Variants in PCYT1A observed in about 807,000 individuals in gnomAD.
PCYT1A encodes phosphate cytidylyltransferase 1A, choline, also known as choline-phosphate cytidylyltransferase A.
A neutral mutation model predicts 43.7 loss-of-function variants in PCYT1A; 25 were observed. That is an observed-to-expected ratio of 0.57 (90% CI 0.42 to 0.80). The LOEUF is 0.80. Ranked by LOEUF, PCYT1A falls within the 30% of genes least tolerant of loss-of-function variation. PCYT1A has a pLI of 0.00. For missense variants in PCYT1A, 421 were observed against 474.2 expected (o/e 0.89, Z 1.04); for synonymous variants, 172 against 170.7 (o/e 1.01, Z -0.06).
At chr3:196,269,614 T>C (rs781248530) in intron 2 of PCYT1A, among the ~76,000 whole-genome samples, 16 of 152,046 alleles carry the variant, frequency 1.1e-4, no homozygotes, top group Non-Finnish European at 1.8e-4. Context: ...ATAGGCAGTG[T>C]GGAATGGGGT....
At chr3:196,285,042 C>T (rs1725868688) in intron 1 of PCYT1A, among the ~76,000 whole-genome samples, 1 of 152,162 alleles carries the variant, frequency 6.6e-6, no homozygotes, top group Admixed American at 6.5e-5. Flanking sequence ...AACTCTATTC[C>T]CCTATTACAG....
At chr3:196,286,956 T>G (rs189384076) in intron 1 of PCYT1A, among the ~76,000 whole-genome samples, 20 of 152,294 alleles carry the variant, frequency 1.3e-4, no homozygotes, top group Non-Finnish European at 2.5e-4. Flanking sequence ...TCCACTAAAT[T>G]GGTTTCACAG....
rs114410269 is a variant in PCYT1A at position 196,263,102 on chromosome 3, C to T, written c.118-5215G>A. On this transcript the variant is annotated intron_variant, in intron 2 of 8. Coordinates refer to ENST00000431016, the MANE Select transcript of PCYT1A (RefSeq NM_001312673.2). ...GCCACCGCATCCAACTCTAAGGATT[C>T]TTAAATATTTTTCAGCAAAAAGTTT... Among the ~76,000 whole-genome samples, 1,466 of 152,228 alleles carry T rather than the reference C, an allele frequency of 9.6e-3. 22 individuals are homozygous for T. Among genetic ancestry groups the T allele is most frequent in the African/African-American group, 0.034 (1,408 of 41,548 alleles).
chr3:196,276,065 CCA>C (rs1404021479), intron 1 of PCYT1A, among the ~76,000 whole-genome samples: 1 of 151,040 alleles, frequency 6.6e-6, no homozygotes, highest in Non-Finnish European at 1.5e-5. Context: ...CCACTGCACT[CCA>C]GTCTGGGCGC....
rs1392843263 is a variant in PCYT1A at position 196,241,325 on chromosome 3, T to C, written c.708+623A>G. 8.5e-5 allele frequency: 13 copies of C among 153,192 alleles called. No individual in the cohort carries two copies. The Admixed American group carries it at 8.6e-4, about 10-fold the overall frequency. 9.5% of individuals were successfully genotyped at this position (153,192 alleles called of 1,614,324 possible). A position where few individuals can be genotyped will look rare whatever the true frequency, so the allele number is the denominator to read the frequency against. ...AAGAAAGAAACACTACATATATATA[T>C]ATTTGCATGAATTTTTTTAGTTTTT... On this transcript the variant is annotated intron_variant, in intron 7 of 8. Transcript: ENST00000431016.
Position 196,236,311 on chromosome 3 carries a change from G to C in PCYT1A, c.*2377C>G, listed in dbSNP as rs906803843. ...AACCAAGCAGATGGGCTTCAGCACA[G>C]ACTTCACTGCCACACCACACCAGGG... On this transcript the variant is annotated 3_prime_UTR_variant, in exon 9 of 9. Coordinates refer to ENST00000431016, the MANE Select transcript of PCYT1A (RefSeq NM_001312673.2). 6.6e-6 allele frequency: 1 copy of C among 152,262 alleles called. No homozygotes were observed. The highest frequency in any genetic ancestry group is 1.5e-5 in the Non-Finnish European group (1 of 68,072). The allele number at this position is 152,262 out of a possible 1,614,324, so 9.4% of individuals were successfully genotyped here.
chr3:196,238,809 C>A lies in PCYT1A; in HGVS notation c.983G>T (p.Arg328Leu). 1 of 1,577,118 alleles carries A rather than the reference C, an allele frequency of 6.3e-7. No homozygotes were observed. The highest frequency in any genetic ancestry group is 8.6e-7 in the Non-Finnish European group (1 of 1,162,742). The part of the protein sequence containing the change: ...QSPSSSPTRE[R>L]SPSPSFRWPF... ...CCATCGGAAAGAGGGGGAGGGGGAG[C>A]GCTCGCGAGTAGGGCTGCTGCTGGG... is the stretch of plus-strand genomic sequence containing the variant. Residue 328 changes from arginine (R) to leucine (L), a missense_variant, in exon 9 of 9, where the codon CGC becomes CTC. This residue lies in a region of PCYT1A where 108 missense variants were observed against 85.7 expected (regional missense o/e 1.26). Transcript: ENST00000431016.
At chr3:196,244,961 C>T (rs975704731) in intron 5 of PCYT1A, among the ~76,000 whole-genome samples, 2 of 152,076 alleles carry the variant, frequency 1.3e-5, no homozygotes, top group East Asian at 1.9e-4. Context: ...TGCAGAAGGC[C>T]GCAGGGCCCT....
In PCYT1A at chr3:196,237,395, C is replaced by T. The variant is rs1328614443; in HGVS notation, c.*1293G>A. On this transcript the variant is annotated 3_prime_UTR_variant, in exon 9 of 9. Transcript: ENST00000431016. Reference sequence around the variant, plus strand: ...AATCCCCCCGGGCAAGCCAACAAGGCAGATGGAACCACAACCACCAGGCGT... The same window carrying T: ...AATCCCCCCGGGCAAGCCAACAAGGTAGATGGAACCACAACCACCAGGCGT... The T allele has an allele frequency of 1.3e-5, 2 of 152,282 alleles. No homozygotes were observed. Among genetic ancestry groups the T allele is most frequent in the East Asian group, 3.9e-4 (2 of 5,192 alleles). 9.4% of individuals were successfully genotyped at this position (152,282 alleles called of 1,614,324 possible).
chr3:196,285,003 C>T (rs148413172), intron 1 of PCYT1A, among the ~76,000 whole-genome samples: 2 of 152,344 alleles, frequency 1.3e-5, no homozygotes, highest in African/African-American at 2.4e-5. Flanking sequence ...CCACCATTCT[C>T]AACTCATTCC....
intron 5 of PCYT1A, among the ~76,000 whole-genome samples, chr3:196,246,192 C>T (rs1270886691): frequency 6.6e-6 from 1 of 152,064 alleles, no homozygotes; most frequent in Non-Finnish European, 1.5e-5. Context: ...AATAAATATC[C>T]CCTCTTCAGG....
chr3:196,266,344 G>A (rs1725274086), intron 2 of PCYT1A, among the ~76,000 whole-genome samples: 1 of 150,880 alleles, frequency 6.6e-6, no homozygotes. Flanking sequence ...TTGGTGGCGG[G>A]CGCCTGTAGT....
At chr3:196,286,810 A>C (rs1560181884) in intron 1 of PCYT1A, among the ~76,000 whole-genome samples, 1 of 152,252 alleles carries the variant, frequency 6.6e-6, no homozygotes. Context: ...GCTACTAGGG[A>C]GGCTGAGACA....
intron 2 of PCYT1A, among the ~76,000 whole-genome samples, chr3:196,258,592 A>AT (rs113525117): frequency 2.7e-3 from 386 of 144,722 alleles, no homozygotes; most frequent in African/African-American, 5.1e-3. Context: ...TCCAATCTGG[A>AT]TTTTTTTTTT....
At position 196,235,607 on chromosome 3, in the gene PCYT1A, G is replaced by T. The variant is rs1724138283; in HGVS notation, c.*3081C>A. ...AAGCTTTCCGTCCGGCCCACCGGAA[G>T]GCAGTGGCTGCGCCGGCACCTCCCC... On this transcript the variant is annotated 3_prime_UTR_variant, in exon 9 of 9. Transcript: ENST00000431016. The surrounding 1 kb of genome is among the most constrained non-coding windows in gnomAD (Gnocchi z 4.3). 6.6e-6 allele frequency: 1 copy of T among 152,336 alleles called. No individual in the cohort carries two copies. The allele number at this position is 152,336 out of a possible 1,614,324, so 9.4% of individuals were successfully genotyped here.
At chr3:196,244,374 C>T (rs1438225342) in intron 5 of PCYT1A, among the ~76,000 whole-genome samples, 43 of 150,496 alleles carry the variant, frequency 2.9e-4, no homozygotes, top group African/African-American at 1.0e-3. Flanking sequence ...CGTCTCTGCC[C>T]GGCCGCCCAT....
rs183192000 is a variant in PCYT1A at position 196,272,277 on chromosome 3, C to A, written c.-10-1736G>T. ...TCGGCTCACTACAACCTCCGCCTCC[C>A]AGGTTCAAGCGATTCTCCTGCCTCA... On this transcript the variant is annotated intron_variant, in intron 1 of 8. Coordinates refer to ENST00000431016, the MANE Select transcript of PCYT1A (RefSeq NM_001312673.2). 1.4e-4 allele frequency among the ~76,000 whole-genome samples: 22 copies of A among 152,202 alleles called. No homozygotes were observed. In the East Asian group the frequency reaches 4.2e-3, roughly 29 times the overall value.
At chr3:196,265,844 T>C (rs1228344320) in intron 2 of PCYT1A, among the ~76,000 whole-genome samples, 1 of 152,162 alleles carries the variant, frequency 6.6e-6, no homozygotes, top group African/African-American at 2.4e-5. Flanking sequence ...GTTCACGCCA[T>C]TCTCCTGCTT....
chr3:196,256,007 C>G (rs1724939576), intron 3 of PCYT1A, among the ~76,000 whole-genome samples: 1 of 152,192 alleles, frequency 6.6e-6, no homozygotes, highest in Non-Finnish European at 1.5e-5. Flanking sequence ...CCTCCAGGAG[C>G]CTACCTATTA....
Sources: gnomAD v4.1 joint callset for allele counts (sites outside exome capture counted in the v4.1 genomes callset) on GRCh38, gnomAD v4.1.1 for gene constraint, gnomAD v4.1.1 regional missense constraint, Gnocchi (gnomAD v3.1) non-coding constraint, MANE v1.5 for transcripts, NCBI Gene and HGNC (gene_info 2026-07-23, HGNC 2026-07-21) for gene names.